ARAP2: variants seen among roughly 807,000 people sequenced by gnomAD.
The protein encoded by ARAP2 is ArfGAP with RhoGAP domain, ankyrin repeat and PH domain 2.
In ARAP2, 148 loss-of-function variants were observed where a neutral mutation model predicts 194.5. The ratio of observed to expected loss-of-function variants is 0.76; its 90% confidence interval spans 0.67 to 0.87. The LOEUF is 0.87. Among genes scored for constraint, ARAP2 ranks in the 40% least tolerant of loss-of-function variants. The probability of loss-of-function intolerance (pLI) is 0.00; values close to 1 mark genes in which losing one functional copy is unlikely to be tolerated. For synonymous variants in ARAP2, 695 were observed against 683.5 expected (o/e 1.02, Z -0.26); for missense variants, 2,128 against 1,989.7 (o/e 1.07, Z -1.32).
intron 28 of ARAP2, among the ~76,000 whole-genome samples, chr4:36,090,814 C>T (rs1285062137): frequency 6.6e-6 from 1 of 151,980 alleles, no homozygotes; most frequent in Non-Finnish European, 1.5e-5. Context: ...GGCTTAATAC[C>T]TAAGTGATGA....
intron 6 of ARAP2, among the ~76,000 whole-genome samples, chr4:36,017,649 T>A (rs975502739): frequency 9.0e-5 from 13 of 143,838 alleles, no homozygotes; most frequent in African/African-American, 2.8e-4. Flanking sequence ...GGGAGAAATG[T>A]GTTTCCTATA....
In ARAP2 at chr4:36,082,274, G is replaced by A. The variant is rs182538553; in HGVS notation, c.4521C>T (p.Thr1507=). 6.3e-5 allele frequency: 101 copies of A among 1,610,680 alleles called. No individual in the cohort carries two copies. In the East Asian group the frequency reaches 1.5e-3, roughly 24 times the overall value. ...ACCAGTGATGTTTCTCAGAATATGCGGTCAATCCCCAGCTGCATCACATAG... is the reference window on the plus strand; with the variant it reads ...ACCAGTGATGTTTCTCAGAATATGCAGTCAATCCCCAGCTGCATCACATAG... ...KMKPPTSWGL[T]AYSEKHHWHL... is the part of the protein sequence containing the mutation. Residue 1507 remains threonine (T), a synonymous_variant, in exon 30 of 33, where the codon ACC becomes ACT. Transcript: ENST00000303965.
chr4:36,056,587 T>C (rs1192484213), intron 2 of ARAP2, among the ~76,000 whole-genome samples: 3 of 152,196 alleles, frequency 2.0e-5, no homozygotes, highest in Non-Finnish European at 4.4e-5. Flanking sequence ...ATGTATAGGT[T>C]TTCTTGTCGT....
chr4:36,037,256 G>A (rs897178833), intron 5 of ARAP2, among the ~76,000 whole-genome samples: 1 of 152,128 alleles, frequency 6.6e-6, no homozygotes, highest in Admixed American at 6.6e-5. Context: ...CATAGAAGCT[G>A]CCTGGCAGGC....
intron 8 of ARAP2, among the ~76,000 whole-genome samples, chr4:36,014,325 A>AGAAGGAAG (rs1560265164): frequency 2.2e-4 from 7 of 32,458 alleles, no homozygotes; most frequent in African/African-American, 3.6e-4. Context: ...AAAGAAAGAG[A>AGAAGGAAG]GAAAGAAAGA....
intron 8 of ARAP2, among the ~76,000 whole-genome samples, chr4:36,184,633 T>A (rs1280724317): frequency 6.6e-6 from 1 of 152,238 alleles, no homozygotes; most frequent in Non-Finnish European, 1.5e-5. Context: ...TGTTTAACTT[T>A]TAATGTGTCA....
intron 27 of ARAP2, among the ~76,000 whole-genome samples, chr4:36,097,169 T>G (rs576587544): frequency 3.3e-4 from 50 of 152,230 alleles, no homozygotes; most frequent in Non-Finnish European, 2.9e-4. Context: ...TAGTAACATT[T>G]ACTTTAACAA....
chr4:36,024,013 C>T (rs992331886), intron 5 of ARAP2, among the ~76,000 whole-genome samples: 1 of 152,060 alleles, frequency 6.6e-6, no homozygotes, highest in Admixed American at 6.6e-5. Flanking sequence ...AGGCATATTT[C>T]CCTACAAGCA....
chr4:36,072,111 A>T (rs1038637631), intron 32 of ARAP2, among the ~76,000 whole-genome samples: 57 of 144,418 alleles, frequency 3.9e-4, no homozygotes, highest in Admixed American at 1.2e-3. Flanking sequence ...GAATTTTTTT[A>T]AAAAAATTTC....
chr4:36,148,247 A>T (rs1730116836), intron 17 of ARAP2, among the ~76,000 whole-genome samples, 158 bp downstream of exon 17: 1 of 152,198 alleles, frequency 6.6e-6, no homozygotes, highest in South Asian at 2.1e-4. Flanking sequence ...CCTAGAAGGT[A>T]GCTACCTCTT....
intron 5 of ARAP2, among the ~76,000 whole-genome samples, chr4:36,045,191 T>C (rs1309060688): frequency 2.0e-5 from 3 of 152,174 alleles, no homozygotes; most frequent in African/African-American, 7.2e-5. Flanking sequence ...CAGTTCTGGG[T>C]ATATATCCAA....
intron 24 of ARAP2, among the ~76,000 whole-genome samples, chr4:36,118,131 G>C (rs986638926): frequency 6.6e-6 from 1 of 151,124 alleles, no homozygotes; most frequent in Non-Finnish European, 1.5e-5. Context: ...AATTTTTCTG[G>C]CATTACAGGC....
At chr4:36,126,137 C>T (rs13120383) in intron 21 of ARAP2, among the ~76,000 whole-genome samples, 12,173 of 151,970 alleles carry the variant, frequency 0.08, 540 homozygotes, top group Middle Eastern at 0.13. Flanking sequence ...GTAGATGACT[C>T]TCTATAAGAA....
chr4:36,097,063 A>G (rs970561437), intron 27 of ARAP2, among the ~76,000 whole-genome samples: 2 of 152,138 alleles, frequency 1.3e-5, no homozygotes, highest in Non-Finnish European at 1.5e-5. Flanking sequence ...TTCCATTTTT[A>G]CCAAGAAATA....
intron 10 of ARAP2, among the ~76,000 whole-genome samples, chr4:36,166,549 G>A (rs1735328497): frequency 6.6e-6 from 1 of 151,810 alleles, no homozygotes; most frequent in African/African-American, 2.4e-5. Flanking sequence ...TTAAATGAGG[G>A]ATTGTATTTG....
Position 36,067,501 on chromosome 4 carries a change from T to C in ARAP2, c.*406A>G, listed in dbSNP as rs530257801. 3.9e-5 allele frequency: 6 copies of C among 154,024 alleles called. No homozygotes were observed. Among genetic ancestry groups the C allele is most frequent in the South Asian group, 2.1e-4 (1 of 4,846 alleles). 9.5% of individuals were successfully genotyped at this position (154,024 alleles called of 1,614,324 possible). ...CCTAAAAACATATGGTAATTTAATA[T>C]ACAAGGTTTCTCAAAGTGCAAAATA... On this transcript the variant is annotated 3_prime_UTR_variant, in exon 33 of 33. Coordinates refer to ENST00000303965, the MANE Select transcript of ARAP2 (RefSeq NM_015230.4).
rs1725716401 is a variant in ARAP2, at chr4:36,067,374, C to A, written c.*533G>T. The A allele has an allele frequency of 6.6e-6, 1 of 152,612 alleles. No individual in the cohort carries two copies. Among genetic ancestry groups the A allele is most frequent in the Non-Finnish European group, 1.5e-5 (1 of 68,026 alleles). The allele number at this position is 152,612 out of a possible 1,614,324, so 9.5% of individuals were successfully genotyped here. On this transcript the variant is annotated 3_prime_UTR_variant, in exon 33 of 33. Transcript: ENST00000303965. Reference sequence around the variant, plus strand: ...TTGCAGGACATTTAACTCCTTGCTTCTTTTAAAAACTCCAGTGGTTTTTAG... The same window carrying A: ...TTGCAGGACATTTAACTCCTTGCTTATTTTAAAAACTCCAGTGGTTTTTAG...
intron 27 of ARAP2, among the ~76,000 whole-genome samples, chr4:36,106,154 G>A (rs1718362594): frequency 6.6e-6 from 1 of 151,876 alleles, no homozygotes; most frequent in Non-Finnish European, 1.5e-5. Flanking sequence ...TTGTGGGCGG[G>A]GAGGGGAGGG....
intron 31 of ARAP2, among the ~76,000 whole-genome samples, chr4:36,076,846 A>G (rs1253258086): frequency 6.6e-6 from 1 of 152,124 alleles, no homozygotes; most frequent in Non-Finnish European, 1.5e-5. Context: ...GCCAAAATAG[A>G]ACTCTCCATT....
Sources: gnomAD v4.1 joint callset for allele counts (sites outside exome capture counted in the v4.1 genomes callset) on GRCh38, gnomAD v4.1.1 for gene constraint, MANE v1.5 for transcripts, NCBI Gene and HGNC (gene_info 2026-07-23, HGNC 2026-07-21) for gene names.